The following ZNF550 variants were observed in gnomAD, a reference collection of about 807,000 sequenced individuals.
The protein encoded by ZNF550 is zinc finger protein 550.
In ZNF550, 42 loss-of-function variants were observed where a neutral mutation model predicts 40.2. The observed-to-expected ratio is 1.05, with a 90% CI of 0.82 to 1.35. ZNF550 has a LOEUF of 1.35. Ranked by LOEUF, ZNF550 falls within the 40% of genes most tolerant of loss-of-function variation. The pLI, the probability that ZNF550 is intolerant of heterozygous loss-of-function variation, is 0.00. For synonymous variants in ZNF550, 223 were observed against 198.6 expected, an observed-to-expected ratio of 1.12 and a Z score of -1.03; for missense variants, 549 against 525.2, an observed-to-expected ratio of 1.05 and a Z score of -0.44.
chr19:57,556,099 A>G, intron 2 of ZNF550, 132 bp downstream of exon 2: 1 of 1,206,502 alleles, frequency 8.3e-7, no homozygotes, highest in East Asian at 2.4e-5. Flanking sequence ...GATGCAGACA[A>G]AGGGAGACCA....
exon 5 of ZNF550, chr19:57,542,804 C>G (rs1201641994): frequency 6.6e-6 from 1 of 152,172 alleles, no homozygotes. Context: ...CGTCTTCCCT[C>G]TGTACATCTG....
intron 4 of ZNF550, chr19:57,544,375 G>A (rs1357524662): frequency 1.0e-6 from 1 of 985,420 alleles, no homozygotes; most frequent in East Asian, 1.1e-4. Context: ...ACAAACTGGG[G>A]CCTAGGTCCT....
At chr19:57,560,962 G>A (rs527381880), upstream of ZNF550, among the ~76,000 whole-genome samples, 2 of 152,292 alleles carry the variant, frequency 1.3e-5, no homozygotes, top group South Asian at 2.1e-4. Flanking sequence ...TTTAATTAGA[G>A]AGTGGAATAA....
At chr19:57,557,784 C>G (rs1424053131) in intron 1 of ZNF550, among the ~76,000 whole-genome samples, 1 of 152,208 alleles carries the variant, frequency 6.6e-6, no homozygotes, top group Admixed American at 6.5e-5. Context: ...TGACTTAAAT[C>G]AGGCCTCCTG....
rs915787485 is a variant in ZNF550 at position 57,554,681 on chromosome 19, T to C, written c.154+1550A>G. ...ATTCTGAACCATAGCCCAGGATTCC[T>C]TCAGACATGTCACAGTAAGGTCCAC... On this transcript the variant is annotated intron_variant, in intron 2 of 4. Coordinates refer to ENST00000457177, the Ensembl canonical transcript of ZNF550. The surrounding 1 kb of genome is among the most constrained non-coding windows in gnomAD (Gnocchi z 4.5). The C allele has an allele frequency of 3.9e-5, 6 of 152,256 alleles. No homozygotes were observed. The highest frequency in any genetic ancestry group is 1.2e-4 in the African/African-American group (5 of 41,456). 9.4% of individuals were successfully genotyped at this position (152,256 alleles called of 1,614,324 possible).
At chr19:57,544,547 T>C (rs952195785) in intron 4 of ZNF550, 12 of 984,874 alleles carry the variant, frequency 1.2e-5, no homozygotes, top group Middle Eastern at 5.2e-4. Context: ...AAGAGTCAAC[T>C]CTCCTTCCCA....
rs368269166 is a variant in ZNF550 at position 57,559,240 on chromosome 19, G to C, written c.27+416C>G. ...GACGGACACACACACATCACCCAGG[G>C]AGCCGTTCAAGCTTCCTCAACCCCG... is the stretch of plus-strand genomic sequence containing the variant. On this transcript the variant is annotated intron_variant, in intron 1 of 4. Coordinates refer to ENST00000457177, the Ensembl canonical transcript of ZNF550. Among the ~76,000 whole-genome samples, 6 of 152,342 alleles carry C rather than the reference G, an allele frequency of 3.9e-5. No homozygotes were observed. The South Asian group carries it at 1.0e-3, about 26-fold the overall frequency.
intron 4 of ZNF550, chr19:57,543,478 T>C (rs2089979470): frequency 4.8e-6 from 2 of 415,854 alleles, no homozygotes; most frequent in Non-Finnish European, 6.5e-6. Context: ...ACCGTCCACA[T>C]TTCCTCTGTG....
exon 4 of ZNF550, chr19:57,547,827 T>C (rs1412992770): frequency 1.2e-6 from 2 of 1,614,142 alleles, no homozygotes; most frequent in Non-Finnish European, 1.7e-6. Context: ...CCGGTGTCAC[T>C]TTACCTTTCT....
At chr19:57,559,128 G>A (rs1366360482) in intron 1 of ZNF550, among the ~76,000 whole-genome samples, 3 of 152,164 alleles carry the variant, frequency 2.0e-5, no homozygotes, top group Admixed American at 6.5e-5. Flanking sequence ...TCCTGCTGGG[G>A]TTGAGTCTCC....
exon 4 of ZNF550, chr19:57,547,887 A>G (rs756590810): frequency 1.2e-6 from 2 of 1,613,918 alleles, no homozygotes; most frequent in African/African-American, 2.7e-5. Flanking sequence ...ACCTCGAATC[A>G]CTTGAGGTTG....
intron 2 of ZNF550, chr19:57,556,014 TA>T (rs1157508378): frequency 1.1e-5 from 6 of 528,532 alleles, no homozygotes; most frequent in Non-Finnish European, 2.0e-5. Flanking sequence ...CAATCTTGAT[TA>T]AGGACCTCAG....
At chr19:57,546,295 G>A (rs1332432902) in intron 4 of ZNF550, among the ~76,000 whole-genome samples, 1 of 151,674 alleles carries the variant, frequency 6.6e-6, no homozygotes, top group Non-Finnish European at 1.5e-5. Context: ...AGAAATGCCT[G>A]AAGAGCTGCC....
At chr19:57,551,659 AGT>A (rs953622263) in intron 3 of ZNF550, among the ~76,000 whole-genome samples, 1 of 152,114 alleles carries the variant, frequency 6.6e-6, no homozygotes, top group African/African-American at 2.4e-5. Flanking sequence ...GAGACACTTA[AGT>A]GGAGATGTGG....
At chr19:57,552,015 T>C (rs1356472426) in intron 3 of ZNF550, among the ~76,000 whole-genome samples, 1 of 152,166 alleles carries the variant, frequency 6.6e-6, no homozygotes, top group Non-Finnish European at 1.5e-5. Context: ...TTCTCTTGAG[T>C]CCAGAAAGAA....
intron 2 of ZNF550, 133 bp downstream of exon 2, chr19:57,556,098 A>C: frequency 8.4e-7 from 1 of 1,196,006 alleles, no homozygotes; most frequent in South Asian, 1.2e-5. Context: ...TGATGCAGAC[A>C]AAGGGAGACC....
At chr19:57,542,168 T>TATCA (rs200125136) in exon 5 of ZNF550, 6 of 151,916 alleles carry the variant, frequency 3.9e-5, no homozygotes, top group Non-Finnish European at 5.9e-5. Flanking sequence ...ATATATTCTA[T>TATCA]ATCACTTTAA....
At chr19:57,559,791 C>G (rs1267518733) in exon 1 of ZNF550, 8 of 1,030,274 alleles carry the variant, frequency 7.8e-6, no homozygotes, top group African/African-American at 6.6e-5. Flanking sequence ...TACCATCCTT[C>G]CCAGCACAGT....
At chr19:57,552,436 C>A in intron 3 of ZNF550, 191 bp downstream of exon 3, 1 of 527,946 alleles carries the variant, frequency 1.9e-6, no homozygotes, top group East Asian at 3.0e-5. Context: ...CAAAAGGTAC[C>A]TGTGTCTCTG....
Sources: allele counts gnomAD v4.1 joint callset (sites outside exome capture counted in the v4.1 genomes callset), GRCh38; gene constraint gnomAD v4.1.1; non-coding constraint Gnocchi (gnomAD v3.1); transcripts MANE v1.5; gene names NCBI Gene and HGNC (gene_info 2026-07-23, HGNC 2026-07-21).